The following MYO3A variants were observed in gnomAD, a reference collection of about 807,000 sequenced individuals.
MYO3A encodes myosin IIIA, also known as myosin-IIIa.
A neutral mutation model predicts 192.7 loss-of-function variants in MYO3A; 180 were observed. The observed-to-expected ratio is 0.93, with a 90% CI of 0.83 to 1.06. MYO3A has a LOEUF of 1.06. MYO3A is among the 50% of genes least tolerant of loss of function. The pLI is 0.00. For missense variants in MYO3A, 1,896 were observed against 1,905.0 expected (o/e 1.00, Z 0.09); for synonymous variants, 628 against 645.3 (o/e 0.97, Z 0.41).
intron 14 of MYO3A, among the ~76,000 whole-genome samples, chr10:26,073,044 A>G (rs867826483): frequency 2.6e-5 from 4 of 152,336 alleles, no homozygotes; most frequent in South Asian, 2.1e-4. Context: ...CCTGGGCAAC[A>G]TAGCAAGACC....
At chr10:26,057,054 G>T (rs1461281378) in intron 10 of MYO3A, among the ~76,000 whole-genome samples, 1 of 152,176 alleles carries the variant, frequency 6.6e-6, no homozygotes, top group Admixed American at 6.5e-5. Flanking sequence ...TGAATAGAAT[G>T]AAATCTAAAG....
intron 23 of MYO3A, 25 bp from the exon 24 acceptor site, chr10:26,153,825 A>G (rs930420964): frequency 2.8e-6 from 4 of 1,418,174 alleles, no homozygotes; most frequent in African/African-American, 2.8e-5. Flanking sequence ...TAAAAGGTAT[A>G]TTACATTTTT....
At chr10:26,099,459 T>C (rs1182376152) in intron 17 of MYO3A, among the ~76,000 whole-genome samples, 3 of 151,948 alleles carry the variant, frequency 2.0e-5, no homozygotes, top group East Asian at 3.9e-4. Flanking sequence ...TGAATAGGAG[T>C]GGTGAGAGAG....
intron 2 of MYO3A, among the ~76,000 whole-genome samples, chr10:25,936,519 C>T (rs758713960): frequency 1.5e-4 from 23 of 151,926 alleles, no homozygotes; most frequent in Non-Finnish European, 3.1e-4. Context: ...ATGATTGTAC[C>T]TAACAAACAA....
At chr10:26,086,895 A>G (rs1836361681) in intron 14 of MYO3A, among the ~76,000 whole-genome samples, 2 of 152,126 alleles carry the variant, frequency 1.3e-5, no homozygotes, top group South Asian at 4.1e-4. Flanking sequence ...TGATAAATTA[A>G]TTGTGTGTGA....
intron 4 of MYO3A, among the ~76,000 whole-genome samples, chr10:25,983,494 T>G (rs978872921): frequency 6.6e-6 from 1 of 152,102 alleles, no homozygotes; most frequent in African/African-American, 2.4e-5. Context: ...CCTGACCTTG[T>G]GATCCACCCG....
At chr10:25,937,385 G>A (rs938509988) in intron 2 of MYO3A, among the ~76,000 whole-genome samples, 3 of 151,212 alleles carry the variant, frequency 2.0e-5, no homozygotes, top group African/African-American at 4.9e-5. Context: ...TAACTTGAAC[G>A]GTTAATTATA....
At chr10:25,973,426 A>G (rs1588684815) in intron 4 of MYO3A, among the ~76,000 whole-genome samples, 1 of 152,260 alleles carries the variant, frequency 6.6e-6, no homozygotes, top group Admixed American at 6.5e-5. Flanking sequence ...GACATCTGCA[A>G]ACAGACAATT....
At chr10:25,982,557 G>A (rs1236392956) in intron 4 of MYO3A, among the ~76,000 whole-genome samples, 1 of 152,108 alleles carries the variant, frequency 6.6e-6, no homozygotes, top group Non-Finnish European at 1.5e-5. Context: ...TTACTCCCCT[G>A]CTACCTCCAC....
At chr10:25,963,750 A>C (rs1168313660) in intron 4 of MYO3A, among the ~76,000 whole-genome samples, 11 of 152,214 alleles carry the variant, frequency 7.2e-5, no homozygotes, top group Admixed American at 7.2e-4. Flanking sequence ...AGTAGAACAG[A>C]CAGCCAATTA....
rs573726877 is a variant in MYO3A, at chr10:26,057,720, A to G, written c.954-9255A>G. 2.6e-5 allele frequency among the ~76,000 whole-genome samples: 4 copies of G among 152,366 alleles called. No individual in the cohort carries two copies. The East Asian group carries it at 7.7e-4, about 29-fold the overall frequency. On this transcript the variant is annotated intron_variant, in intron 10 of 34. Coordinates refer to ENST00000642920, the MANE Select transcript of MYO3A (RefSeq NM_017433.5). Reference sequence around the variant, plus strand: ...CAACACTGGAGCTGAAGAGAAGTCAATGGCTAATTGGATCTATTAGTCAGT... The same window carrying G: ...CAACACTGGAGCTGAAGAGAAGTCAGTGGCTAATTGGATCTATTAGTCAGT...
chr10:26,179,121 G>A (rs574793503), intron 31 of MYO3A, among the ~76,000 whole-genome samples: 21 of 35,146 alleles, frequency 6.0e-4, no homozygotes, highest in Non-Finnish European at 9.7e-4. Context: ...TTTTTGAGAC[G>A]GAGTTTCACT....
intron 4 of MYO3A, among the ~76,000 whole-genome samples, chr10:25,993,347 A>C (rs1008649403): frequency 2.6e-5 from 4 of 151,952 alleles, no homozygotes; most frequent in Non-Finnish European, 5.9e-5. Context: ...TGTGGGATTG[A>C]TGGTGATATC....
intron 20 of MYO3A, among the ~76,000 whole-genome samples, chr10:26,134,006 C>T (rs1474700030): frequency 6.6e-6 from 1 of 152,178 alleles, no homozygotes; most frequent in South Asian, 2.1e-4. Flanking sequence ...TTATTCTAAG[C>T]TGATACCTAT....
At chr10:26,183,872 TAAACTC>T (rs1244705687) in intron 31 of MYO3A, among the ~76,000 whole-genome samples, 1 of 152,060 alleles carries the variant, frequency 6.6e-6, no homozygotes, top group Non-Finnish European at 1.5e-5. Flanking sequence ...TCACCTCAAA[TAAACTC>T]AAGAGAACAG....
intron 23 of MYO3A, 137 bp from the exon 24 acceptor site, chr10:26,153,713 A>G (rs1029447830): frequency 1.6e-6 from 1 of 617,332 alleles, no homozygotes; most frequent in Non-Finnish European, 2.9e-6. Context: ...AAGTTCCTCC[A>G]TAAATAGTTA....
intron 31 of MYO3A, 37 bp downstream of exon 31, chr10:26,176,882 A>G: frequency 1.2e-6 from 2 of 1,602,404 alleles, no homozygotes; most frequent in South Asian, 1.1e-5. Flanking sequence ...CTGAATGGGA[A>G]GGAAATGCCA....
At chr10:26,057,386 A>G (rs12784877) in intron 10 of MYO3A, among the ~76,000 whole-genome samples, 71,875 of 151,934 alleles carry the variant, frequency 0.47, 17,849 homozygotes, top group Middle Eastern at 0.59. Flanking sequence ...CCCTGGAAAA[A>G]AAAGGCGATG....
chr10:26,032,197 G>T (rs1269634834), intron 10 of MYO3A, among the ~76,000 whole-genome samples: 2 of 152,162 alleles, frequency 1.3e-5, no homozygotes, highest in Non-Finnish European at 2.9e-5. Context: ...TATTTGTGGT[G>T]CTGTTGCAAC....
Sources: gnomAD v4.1 joint callset for allele counts (sites outside exome capture counted in the v4.1 genomes callset) on GRCh38, gnomAD v4.1.1 for gene constraint, MANE v1.5 for transcripts, NCBI Gene and HGNC (gene_info 2026-07-23, HGNC 2026-07-21) for gene names.